The following EFR3A variants were observed in gnomAD, a reference collection of about 807,000 sequenced individuals.
EFR3A encodes protein EFR3 homolog A.
In EFR3A, 76 loss-of-function variants were observed where a neutral mutation model predicts 104.4. The observed-to-expected ratio is 0.73, with a 90% CI of 0.60 to 0.88. The LOEUF (loss-of-function observed/expected upper bound fraction) is 0.88. EFR3A is among the 40% of genes least tolerant of loss of function. EFR3A has a pLI of 0.00. For missense variants in EFR3A, 985 were observed against 1,012.5 expected (o/e 0.97, Z 0.37); for synonymous variants, 330 against 330.0 (o/e 1.00, Z 0.00).
rs752342746 is a variant in EFR3A, at chr8:131,944,765, T to C, written c.108T>C (p.Asp36=). 1.9e-6 allele frequency: 3 copies of C among 1,599,600 alleles called. No individual in the cohort carries two copies. In the African/African-American group the frequency reaches 4.0e-5, roughly 21 times the overall value. The stretch of plus-strand genomic sequence containing the variant: ...TTTAGGATGGCCTTGTGAAAACTGA[T>C]ATGGAGAAATTGACATTTTATGCAG... ...EDPKDGLVKT[D]MEKLTFYAVS... The change falls in exon 3 of 23, where the codon GAT becomes GAC. Residue 36 remains aspartate (D), a synonymous_variant. Transcript: ENST00000254624.
intron 1 of EFR3A, among the ~76,000 whole-genome samples, chr8:131,909,941 C>T (rs1369903312): frequency 6.6e-6 from 1 of 152,236 alleles, no homozygotes; most frequent in East Asian, 1.9e-4. Flanking sequence ...CTTTCCCATG[C>T]AGGGTCCCCA....
chr8:131,911,173 C>T (rs1288755114), intron 1 of EFR3A, among the ~76,000 whole-genome samples: 2 of 152,104 alleles, frequency 1.3e-5, no homozygotes, highest in African/African-American at 4.8e-5. Context: ...AGTGGCAGTT[C>T]TCTGAGAAAA....
intron 10 of EFR3A, among the ~76,000 whole-genome samples, chr8:131,975,586 T>C (rs570482960): frequency 9.9e-5 from 15 of 152,124 alleles, no homozygotes; most frequent in African/African-American, 3.6e-4. Flanking sequence ...CCAGCTAATT[T>C]TGTATTTTTA....
intron 7 of EFR3A, among the ~76,000 whole-genome samples, chr8:131,956,415 G>A (rs149637879): frequency 3.0e-3 from 459 of 152,186 alleles, no homozygotes; most frequent in African/African-American, 0.011. Context: ...TCTCCTCCAG[G>A]CAAAATATGT....
intron 18 of EFR3A, among the ~76,000 whole-genome samples, chr8:131,989,340 G>A (rs900243523): frequency 1.6e-4 from 25 of 152,274 alleles, no homozygotes; most frequent in African/African-American, 5.5e-4. Flanking sequence ...AACATATTTA[G>A]TTTGTTGTGT....
At chr8:131,927,203 A>G (rs544123829) in intron 1 of EFR3A, among the ~76,000 whole-genome samples, 2 of 152,326 alleles carry the variant, frequency 1.3e-5, no homozygotes, top group Admixed American at 1.3e-4. Flanking sequence ...GGTTAAGGAC[A>G]ACTTGAAGAA....
intron 6 of EFR3A, 52 bp from the exon 7 acceptor site, chr8:131,955,716 A>G (rs1818941608): frequency 6.4e-7 from 1 of 1,569,148 alleles, no homozygotes; most frequent in Non-Finnish European, 8.6e-7. Flanking sequence ...TTTGTTTATT[A>G]GAACTGATAT....
At chr8:131,935,207 GGTGGACA>G (rs1404880908) in intron 1 of EFR3A, among the ~76,000 whole-genome samples, 1 of 152,110 alleles carries the variant, frequency 6.6e-6, no homozygotes. Context: ...AGTGTTTTAT[GGTGGACA>G]GTGTACTTTA....
intron 1 of EFR3A, among the ~76,000 whole-genome samples, chr8:131,939,417 G>A (rs952549454): frequency 4.9e-4 from 75 of 152,188 alleles, no homozygotes; most frequent in African/African-American, 1.7e-3. Flanking sequence ...AGTGGGAACT[G>A]GACATTGTTT....
chr8:131,904,807 G>A (rs1478967285), intron 1 of EFR3A, among the ~76,000 whole-genome samples: 2 of 152,204 alleles, frequency 1.3e-5, no homozygotes, highest in African/African-American at 4.8e-5. Context: ...CGGGGCGGCT[G>A]AAGTCGGAGC....
chr8:131,950,913 C>T (rs946258835), intron 5 of EFR3A, among the ~76,000 whole-genome samples: 1 of 151,874 alleles, frequency 6.6e-6, no homozygotes, highest in Non-Finnish European at 1.5e-5. Flanking sequence ...ATGAGACATA[C>T]AGAAATGAGA....
intron 1 of EFR3A, among the ~76,000 whole-genome samples, chr8:131,923,937 T>G (rs1203126827): frequency 6.6e-6 from 1 of 152,094 alleles, no homozygotes; most frequent in Non-Finnish European, 1.5e-5. Context: ...TTTTAAGCAA[T>G]TAAAAGCCCG....
intron 22 of EFR3A, among the ~76,000 whole-genome samples, chr8:132,007,089 G>T (rs1233609485): frequency 6.6e-6 from 1 of 151,678 alleles, no homozygotes; most frequent in Non-Finnish European, 1.5e-5. Context: ...CCTAAAACTG[G>T]GTCAAGGATG....
At chr8:131,987,434 T>G (rs963353284) in intron 17 of EFR3A, 141 bp from the exon 18 acceptor site, 9 of 939,902 alleles carry the variant, frequency 9.6e-6, no homozygotes, top group Non-Finnish European at 1.4e-5. Flanking sequence ...GCCTAAAATA[T>G]ACTGATTTTT....
chr8:131,912,166 G>T (rs1378906142), intron 1 of EFR3A, among the ~76,000 whole-genome samples: 10 of 152,088 alleles, frequency 6.6e-5, no homozygotes, highest in Non-Finnish European at 8.8e-5. Context: ...CCAACAATAG[G>T]TTAACTGTGC....
At chr8:131,931,260 T>A (rs1016911480) in intron 1 of EFR3A, among the ~76,000 whole-genome samples, 1 of 152,196 alleles carries the variant, frequency 6.6e-6, no homozygotes, top group African/African-American at 2.4e-5. Flanking sequence ...TCGCTTTGAT[T>A]GTATTTATTC....
intron 1 of EFR3A, among the ~76,000 whole-genome samples, chr8:131,918,146 G>T (rs1460091781): frequency 6.6e-6 from 1 of 152,136 alleles, no homozygotes; most frequent in Non-Finnish European, 1.5e-5. Context: ...AATTAGCTGG[G>T]CGTGGTGGCG....
At chr8:131,944,697 A>G (rs1189870697) in intron 2 of EFR3A, 48 bp from the exon 3 acceptor site, 1 of 1,491,506 alleles carries the variant, frequency 6.7e-7, no homozygotes, top group Non-Finnish European at 9.0e-7. Context: ...TAAAAATATA[A>G]TAAGCATGAA....
chr8:132,007,756 AAG>A (rs1490196084), intron 22 of EFR3A, among the ~76,000 whole-genome samples: 3 of 152,014 alleles, frequency 2.0e-5, no homozygotes, highest in Non-Finnish European at 4.4e-5. Flanking sequence ...TTATTGGTAT[AAG>A]AGTACACAAA....
Sources: allele counts gnomAD v4.1 joint callset (sites outside exome capture counted in the v4.1 genomes callset), GRCh38; gene constraint gnomAD v4.1.1; transcripts MANE v1.5; gene names NCBI Gene and HGNC (gene_info 2026-07-23, HGNC 2026-07-21).